Variants in PDCD2L observed in about 807,000 individuals in gnomAD.
PDCD2L encodes the protein uS5 assembly chaperone PDCD2L.
A neutral mutation model predicts 40.4 loss-of-function variants in PDCD2L; 44 were observed. The observed-to-expected ratio is 1.09, with a 90% confidence interval of 0.86 to 1.40. PDCD2L has a LOEUF of 1.40. PDCD2L is among the 40% of genes most tolerant of loss of function. PDCD2L has a pLI of 0.00. For synonymous variants in PDCD2L, 194 were observed against 174.6 expected (o/e 1.11, Z -0.88); for missense variants, 470 against 453.7 (o/e 1.04, Z -0.33).
intron 6 of PDCD2L, among the ~76,000 whole-genome samples, chr19:34,423,491 C>CTTTTTTTTTT (rs547306985): frequency 8.8e-6 from 1 of 113,084 alleles, no homozygotes; most frequent in African/African-American, 3.2e-5. Context: ...GACCCAGTAT[C>CTTTTTTTTTT]TTTTTTTTTT....
intron 5 of PDCD2L, among the ~76,000 whole-genome samples, chr19:34,418,939 A>G (rs1343427059): frequency 1.3e-5 from 2 of 152,162 alleles, no homozygotes; most frequent in African/African-American, 4.8e-5. Context: ...GTGTCATTCA[A>G]ATCTCTCACC....
intron 2 of PDCD2L, 51 bp downstream of exon 2, chr19:34,404,866 T>C: frequency 1.9e-6 from 3 of 1,609,846 alleles, no homozygotes; most frequent in African/African-American, 2.7e-5. Context: ...TCCAGCGGGC[T>C]GGGGCGGGCC....
At chr19:34,406,994 G>A (rs931879223) in intron 3 of PDCD2L, among the ~76,000 whole-genome samples, 48 of 151,474 alleles carry the variant, frequency 3.2e-4, no homozygotes, top group Middle Eastern at 3.2e-3. Flanking sequence ...TCGCCACCAC[G>A]CCCAGCTAAT....
intron 6 of PDCD2L, among the ~76,000 whole-genome samples, chr19:34,424,251 G>A (rs761795344): frequency 1.6e-4 from 24 of 151,868 alleles, no homozygotes; most frequent in Admixed American, 3.9e-4. Flanking sequence ...AGGTATGAGG[G>A]TGGTCTGATT....
intron 5 of PDCD2L, among the ~76,000 whole-genome samples, chr19:34,417,565 G>A (rs140495529): frequency 6.9e-4 from 104 of 151,652 alleles, no homozygotes; most frequent in African/African-American, 2.3e-3. Context: ...CCGAGACTGC[G>A]CCATTGCACT....
chr19:34,414,546 T>G (rs1361971423), intron 5 of PDCD2L, among the ~76,000 whole-genome samples: 2 of 129,312 alleles, frequency 1.5e-5, no homozygotes. Flanking sequence ...AGTGCAGTGG[T>G]GTGATCAATC....
chr19:34,404,857 C>A (rs2075066060), intron 2 of PDCD2L, 42 bp downstream of exon 2: 3 of 1,607,356 alleles, frequency 1.9e-6, no homozygotes, highest in African/African-American at 1.3e-5. Context: ...GGTGTCCTTT[C>A]CAGCGGGCTG....
chr19:34,405,717 A>C (rs753747362), intron 3 of PDCD2L, among the ~76,000 whole-genome samples: 1 of 151,246 alleles, frequency 6.6e-6, no homozygotes, highest in Non-Finnish European at 1.5e-5. Flanking sequence ...CCTGGCCAAC[A>C]TGGCGAAACC....
At chr19:34,405,951 G>T (rs1393634487) in intron 3 of PDCD2L, among the ~76,000 whole-genome samples, 2 of 151,940 alleles carry the variant, frequency 1.3e-5, no homozygotes, top group Non-Finnish European at 2.9e-5. Context: ...GAGCAGTCTG[G>T]GCAACATAGC....
rs377501208 is a variant in PDCD2L at position 34,426,162 on chromosome 19, A to T, written c.*42A>T. 2 of 1,438,634 alleles carry T rather than the reference A, an allele frequency of 1.4e-6. No individual in the cohort carries two copies. Among genetic ancestry groups the T allele is most frequent in the African/African-American group, 2.9e-5 (2 of 69,182 alleles). The allele number at this position is 1,438,634 out of a possible 1,614,324, so 89.1% of individuals were successfully genotyped here. A position where few individuals can be genotyped will look rare whatever the true frequency, so the allele number is the denominator to read the frequency against. Reference sequence around the variant, plus strand: ...AATATAAATTAAAACAAATGTTTACATCCAAATATGTTTGTATGTACCTTA... The same window carrying T: ...AATATAAATTAAAACAAATGTTTACTTCCAAATATGTTTGTATGTACCTTA... On this transcript the variant is annotated 3_prime_UTR_variant, in exon 7 of 7. Transcript: ENST00000246535.
chr19:34,426,159 T>C lies in PDCD2L; in HGVS notation c.*39T>C. ...ATTAATATAAATTAAAACAAATGTT[T>C]ACATCCAAATATGTTTGTATGTACC... On this transcript the variant is annotated 3_prime_UTR_variant, in exon 7 of 7. Transcript: ENST00000246535. The C allele has an allele frequency of 7.0e-7, 1 of 1,433,460 alleles. No individual in the cohort carries two copies. The highest frequency in any genetic ancestry group is 9.7e-7 in the Non-Finnish European group (1 of 1,034,092). The allele number at this position is 1,433,460 out of a possible 1,614,324, so 88.8% of individuals were successfully genotyped here. A position where few individuals can be genotyped will look rare whatever the true frequency, so the allele number is the denominator to read the frequency against.
intron 4 of PDCD2L, among the ~76,000 whole-genome samples, chr19:34,410,742 G>A (rs1158538291): frequency 7.7e-6 from 1 of 130,556 alleles, no homozygotes; most frequent in Admixed American, 7.6e-5. Flanking sequence ...TAGAATTGAT[G>A]GTTATAAGGA....
intron 3 of PDCD2L, among the ~76,000 whole-genome samples, chr19:34,408,361 C>T (rs1368093843): frequency 6.7e-6 from 1 of 149,678 alleles, no homozygotes; most frequent in Non-Finnish European, 1.5e-5. Flanking sequence ...GACCGAGTGT[C>T]GCTCTGTCAC....
chr19:34,411,364 C>G (rs1006864396), intron 4 of PDCD2L, among the ~76,000 whole-genome samples: 8 of 151,574 alleles, frequency 5.3e-5, no homozygotes, highest in Non-Finnish European at 8.8e-5. Context: ...CTCAGCCTCC[C>G]GAGTAGCTGG....
rs759014114 is a variant in PDCD2L at position 34,404,649 on chromosome 19, G to A, written c.109G>A (p.Asp37Asn). Residue 37 changes from aspartate to asparagine, a missense_variant and splice_region_variant, in exon 2 of 7, where the codon GAT (aspartate) becomes AAT (asparagine). Transcript: ENST00000246535. ...WTASKLGGIPDALPTVAAPRP... is the reference protein window; with the variant it reads ...WTASKLGGIPNALPTVAAPRP... ...CTGAGCGCCTCCTCTGTCCCCTCAG[G>A]ATGCTCTGCCCACCGTGGCTGCGCC... is the stretch of plus-strand genomic sequence containing the variant. 6.2e-7 allele frequency: 1 copy of A among 1,610,428 alleles called. No individual in the cohort carries two copies. Among genetic ancestry groups the A allele is most frequent in the Non-Finnish European group, 8.5e-7 (1 of 1,179,470 alleles).
chr19:34,407,516 T>C (rs1354186104), intron 3 of PDCD2L, among the ~76,000 whole-genome samples: 1 of 152,230 alleles, frequency 6.6e-6, no homozygotes, highest in Non-Finnish European at 1.5e-5. Context: ...AGTGAATACA[T>C]GCAGCATTTG....
At chr19:34,424,401 G>A (rs1160352316) in intron 6 of PDCD2L, among the ~76,000 whole-genome samples, 1 of 152,112 alleles carries the variant, frequency 6.6e-6, no homozygotes, top group African/African-American at 2.4e-5. Flanking sequence ...AGAGACCGAA[G>A]CAAATTTTAG....
chr19:34,412,538 T>G (rs917225927), intron 4 of PDCD2L, among the ~76,000 whole-genome samples: 1 of 151,862 alleles, frequency 6.6e-6, no homozygotes. Context: ...GCCGACGTGG[T>G]GAAACCTTGT....
At chr19:34,413,445 C>T (rs185041454) in intron 4 of PDCD2L, among the ~76,000 whole-genome samples, 1 of 150,606 alleles carries the variant, frequency 6.6e-6, no homozygotes, top group Admixed American at 6.6e-5. Flanking sequence ...AAGCGATTTC[C>T]TCTGCCTCAG....
Sources: gnomAD v4.1 joint callset for allele counts (sites outside exome capture counted in the v4.1 genomes callset) on GRCh38, gnomAD v4.1.1 for gene constraint, MANE v1.5 for transcripts, NCBI Gene and HGNC (gene_info 2026-07-23, HGNC 2026-07-21) for gene names.